ZC3H14: variants seen among roughly 807,000 people sequenced by gnomAD.
ZC3H14 encodes zinc finger CCCH domain-containing protein 14.
A neutral mutation model predicts 92.4 loss-of-function variants in ZC3H14; 31 were observed. That is an observed-to-expected ratio of 0.34 (90% CI 0.25 to 0.45). ZC3H14 has a LOEUF of 0.45. Ranked by LOEUF, ZC3H14 falls within the 20% of genes least tolerant of loss-of-function variation. The pLI, the probability that ZC3H14 is intolerant of heterozygous loss-of-function variation, is 1.00. For synonymous variants in ZC3H14, 321 were observed against 300.9 expected (o/e 1.07, Z -0.69); for missense variants, 781 against 897.3 (o/e 0.87, Z 1.66).
chr14:88,579,910 A>G lies in ZC3H14; in HGVS notation c.1279+1770A>G, dbSNP rs1239434392. On this transcript the variant is annotated intron_variant, in intron 9 of 16. Coordinates refer to ENST00000251038, the MANE Select transcript of ZC3H14 (RefSeq NM_024824.5). ...AATACAAGACAAAGCCAAGAAAAACATAAAACAGAAGAACTTTGAGGCTGG... is the reference window on the plus strand; with the variant it reads ...AATACAAGACAAAGCCAAGAAAAACGTAAAACAGAAGAACTTTGAGGCTGG... 2.0e-5 allele frequency among the ~76,000 whole-genome samples: 3 copies of G among 152,252 alleles called. No individual in the cohort carries two copies. In the South Asian group the frequency reaches 6.2e-4, roughly 32 times the overall value.
At position 88,622,583 on chromosome 14, in the gene ZC3H14, T is replaced by TTCTG; in HGVS notation, c.*10832_*10833insTCTG. ...ACTTTCTGTTTTCTGCTGCACTGTATCAGCTCATGGAACATCTTACTTTGC... is the reference window on the plus strand; with the variant it reads ...ACTTTCTGTTTTCTGCTGCACTGTATTCTGCAGCTCATGGAACATCTTACTTTGC... On this transcript the variant is annotated 3_prime_UTR_variant, in exon 17 of 17. Coordinates refer to ENST00000251038, the MANE Select transcript of ZC3H14 (RefSeq NM_024824.5). 6.4e-7 allele frequency: 1 copy of TTCTG among 1,564,404 alleles called. No individual in the cohort carries two copies. Among genetic ancestry groups the TTCTG allele is most frequent in the Non-Finnish European group, 8.7e-7 (1 of 1,152,216 alleles).
chr14:88,577,857 CTG>C (rs2081361926), intron 8 of ZC3H14, 126 bp from the exon 9 acceptor site: 1 of 1,247,036 alleles, frequency 8.0e-7, no homozygotes, highest in Non-Finnish European at 1.2e-6. Flanking sequence ...GCATGAGCCA[CTG>C]CGCCCAGCCT....
chr14:88,573,335 G>T (rs768568517), intron 6 of ZC3H14, among the ~76,000 whole-genome samples: 3 of 151,978 alleles, frequency 2.0e-5, no homozygotes, highest in African/African-American at 7.3e-5. Context: ...AGCCAAGATC[G>T]TGCCACTGCA....
chr14:88,563,228 G>A, intron 1 of ZC3H14, 59 bp downstream of exon 1: 2 of 1,569,970 alleles, frequency 1.3e-6, no homozygotes, highest in South Asian at 1.2e-5. Context: ...GCGGTTGTCA[G>A]GAGTAACGGG....
chr14:88,575,427 G>A (rs561673342), intron 7 of ZC3H14, among the ~76,000 whole-genome samples: 2 of 152,186 alleles, frequency 1.3e-5, no homozygotes, highest in African/African-American at 2.4e-5. Context: ...AGGCATGGTG[G>A]CTCATGCCTG....
Position 88,621,154 on chromosome 14 carries a change from C to T in ZC3H14, c.*9403C>T, listed in dbSNP as rs1443763600. The T allele has an allele frequency of 1.2e-6, 2 of 1,613,890 alleles. No homozygotes were observed. Among genetic ancestry groups the T allele is most frequent in the South Asian group, 1.1e-5 (1 of 91,080 alleles). On this transcript the variant is annotated 3_prime_UTR_variant, in exon 17 of 17. Coordinates refer to ENST00000251038, the MANE Select transcript of ZC3H14 (RefSeq NM_024824.5). ...CAAAGTCTCACTGTCCCATCTTCTG[C>T]AGCAGAAAGGAAAAAATCCCTGGAA...
chr14:88,611,448 G>GTA (rs1252997451), intron 16 of ZC3H14, among the ~76,000 whole-genome samples: 2 of 152,146 alleles, frequency 1.3e-5, no homozygotes, highest in Non-Finnish European at 2.9e-5. Flanking sequence ...GCCAGCAGGA[G>GTA]TATATATATG....
chr14:88,579,015 T>C (rs916370904), intron 9 of ZC3H14, among the ~76,000 whole-genome samples: 2 of 152,106 alleles, frequency 1.3e-5, no homozygotes, highest in African/African-American at 4.8e-5. Context: ...TTTGTCTCTT[T>C]TGTCGTCAAG....
At chr14:88,611,079 C>A in intron 16 of ZC3H14, 139 bp downstream of exon 16, 1 of 818,152 alleles carries the variant, frequency 1.2e-6, no homozygotes, top group Non-Finnish European at 2.0e-6. Context: ...TTATAGAAGG[C>A]TCCTTTGGCA....
In ZC3H14 at chr14:88,621,172, C is replaced by T. The variant is rs1298123227; in HGVS notation, c.*9421C>T. ...TCTTCTGCAGCAGAAAGGAAAAAAT[C>T]CCTGGAAGGATGTGTTGCTAGTCCC... is the stretch of plus-strand genomic sequence containing the variant. On this transcript the variant is annotated 3_prime_UTR_variant, in exon 17 of 17. Transcript: ENST00000251038. The T allele has an allele frequency of 6.2e-7, 1 of 1,613,870 alleles. No individual in the cohort carries two copies. Among genetic ancestry groups the T allele is most frequent in the Non-Finnish European group, 8.5e-7 (1 of 1,179,836 alleles).
chr14:88,609,875 CAGAGTT>C lies in ZC3H14; in HGVS notation c.2097+74_2097+79del, dbSNP rs956939904. The C allele has an allele frequency of 5.3e-6, 8 of 1,496,458 alleles. No individual in the cohort carries two copies. In the East Asian group the frequency reaches 1.8e-4, roughly 34 times the overall value. The allele number at this position is 1,496,458 out of a possible 1,614,324, so 92.7% of individuals were successfully genotyped here. ...TTTCCTCATTTAACTTCTTTTTTGTCAGAGTTACTACATTGGTGCAAAAGTAATTGC... is the reference window on the plus strand; with the variant it reads ...TTTCCTCATTTAACTTCTTTTTTGTCACTACATTGGTGCAAAAGTAATTGC... On this transcript the variant is annotated intron_variant, in intron 15 of 16. Coordinates refer to ENST00000251038, the MANE Select transcript of ZC3H14 (RefSeq NM_024824.5).
intron 8 of ZC3H14, among the ~76,000 whole-genome samples, chr14:88,577,216 A>G (rs2081284563): frequency 6.6e-6 from 1 of 152,176 alleles, no homozygotes; most frequent in Non-Finnish European, 1.5e-5. Context: ...GCAAAGGCGC[A>G]CTCTTGACCT....
chr14:88,602,001 G>A lies in ZC3H14; in HGVS notation c.1432G>A (p.Val478Ile), dbSNP rs143129413. ...ILKKPKLSEE[V>I]VVAPNQESGM... Reference sequence around the variant, plus strand: ...GAAGAAGCCAAAGCTGTCTGAGGAAGTAGTAGTGGCACCAAACCAAGAGTC... The same window carrying A: ...GAAGAAGCCAAAGCTGTCTGAGGAAATAGTAGTGGCACCAAACCAAGAGTC... The change falls in exon 11 of 17, where the codon GTA (valine) becomes ATA (isoleucine). Residue 478 changes from valine (V) to isoleucine (I), a missense_variant. Coordinates refer to ENST00000251038, the MANE Select transcript of ZC3H14 (RefSeq NM_024824.5). 3.1e-4 allele frequency: 505 copies of A among 1,614,204 alleles called. 1 individual carries two copies. The highest frequency in any genetic ancestry group is 9.9e-4 in the Middle Eastern group (6 of 6,062).
chr14:88,574,967 C>T (rs1595553008), intron 7 of ZC3H14, 114 bp downstream of exon 7: 13 of 1,500,858 alleles, frequency 8.7e-6, no homozygotes, highest in South Asian at 3.6e-5. Flanking sequence ...GACGGAGTCT[C>T]GCTCTGTCAA....
At chr14:88,609,134 ATTCT>A (rs1376546199) in intron 13 of ZC3H14, 129 bp from the exon 14 acceptor site, 10 of 1,072,844 alleles carry the variant, frequency 9.3e-6, no homozygotes, top group Non-Finnish European at 1.4e-5. Context: ...ATTTTAAAAT[ATTCT>A]TTTTGTTGCT....
intron 13 of ZC3H14, chr14:88,609,044 T>G: frequency 1.8e-6 from 1 of 552,278 alleles, no homozygotes; most frequent in South Asian, 2.2e-5. Context: ...CTTGGTGGCT[T>G]GGCTTGAGTT....
At chr14:88,581,854 G>A (rs1566924733) in intron 9 of ZC3H14, among the ~76,000 whole-genome samples, 1 of 152,190 alleles carries the variant, frequency 6.6e-6, no homozygotes, top group Non-Finnish European at 1.5e-5. Context: ...GCTCTAACTA[G>A]TCACCTTCTG....
chr14:88,609,818 T>TTAC lies in ZC3H14; in HGVS notation c.2097+16_2097+17insACT, dbSNP rs768881717. The stretch of plus-strand genomic sequence containing the variant: ...ATCATCCAAAAGTAAGAACTTCTAT[T>TTAC]TTCTCAAATCAATTTAGTGACAACA... On this transcript the variant is annotated intron_variant, in intron 15 of 16. Transcript: ENST00000251038. The TTAC allele has an allele frequency of 9.2e-5, 148 of 1,611,324 alleles. 1 individual carries two copies. The African/African-American group carries it at 1.7e-3, about 19-fold the overall frequency.
At chr14:88,601,396 A>G (rs192202029) in intron 10 of ZC3H14, among the ~76,000 whole-genome samples, 5 of 152,304 alleles carry the variant, frequency 3.3e-5, no homozygotes, top group East Asian at 3.9e-4. Flanking sequence ...CTTGATACAT[A>G]TGTTTAAGTG....
Sources: allele counts gnomAD v4.1 joint callset (sites outside exome capture counted in the v4.1 genomes callset), GRCh38; gene constraint gnomAD v4.1.1; transcripts MANE v1.5; gene names NCBI Gene and HGNC (gene_info 2026-07-23, HGNC 2026-07-21).